TTLL10: variants seen among roughly 807,000 people sequenced by gnomAD.
TTLL10 encodes the protein tubulin tyrosine ligase like 10.
In TTLL10, 61 loss-of-function variants were observed where a neutral mutation model predicts 69.0. The observed-to-expected ratio is 0.88, with a 90% CI of 0.72 to 1.09. The LOEUF is 1.09. Among genes scored for constraint, TTLL10 ranks in the 50% least tolerant of loss-of-function variants. The pLI is 0.00. For synonymous variants in TTLL10, 408 were observed against 393.3 expected, an observed-to-expected ratio of 1.04 and a Z score of -0.44; for missense variants, 962 against 945.9, an observed-to-expected ratio of 1.02 and a Z score of -0.22.
intron 3 of TTLL10, among the ~76,000 whole-genome samples, chr1:1,176,963 T>C (rs1415311453): frequency 6.6e-6 from 1 of 152,178 alleles, no homozygotes; most frequent in Non-Finnish European, 1.5e-5. Flanking sequence ...TTTGTTTCCC[T>C]GTTTCTCCCC....
intron 13 of TTLL10, among the ~76,000 whole-genome samples, chr1:1,194,542 A>G (rs1648062887): frequency 6.6e-6 from 1 of 152,124 alleles, no homozygotes; most frequent in South Asian, 2.1e-4. Context: ...TTTATCTGGG[A>G]ATGTCTTAAT....
At chr1:1,196,173 T>C (rs1648196562) in intron 13 of TTLL10, among the ~76,000 whole-genome samples, 1 of 152,232 alleles carries the variant, frequency 6.6e-6, no homozygotes, top group Admixed American at 6.5e-5. Flanking sequence ...ATGAGGTCTA[T>C]TTTGCTATCT....
Position 1,181,777 on chromosome 1 carries a change from C to CCTCCCGTG in TTLL10, c.793_800dup (p.Trp267CysfsTer16). ...ACGCAGCAGCGCCCGCCCTGGAGGA[C>CCTCCCGTG]CTCCCGTGGACAAGCCCAGGATACC... is the stretch of plus-strand genomic sequence containing the variant. On this transcript the variant is annotated frameshift_variant, in exon 9 of 16. Transcript: ENST00000379289. LOFTEE classifies it high-confidence loss of function. The surrounding 1 kb of genome is among the most constrained non-coding windows in gnomAD (Gnocchi z 4.6). The CCTCCCGTG allele has an allele frequency of 6.2e-7, 1 of 1,609,230 alleles. No individual in the cohort carries two copies.
intron 13 of TTLL10, among the ~76,000 whole-genome samples, chr1:1,196,209 G>A (rs1232513764): frequency 6.6e-6 from 1 of 152,216 alleles, no homozygotes; most frequent in African/African-American, 2.4e-5. Flanking sequence ...CATGCTGTTG[G>A]TTTTTTGAGG....
At chr1:1,179,596 G>C in intron 4 of TTLL10, 61 bp from the exon 5 acceptor site, 1 of 1,548,178 alleles carries the variant, frequency 6.5e-7, no homozygotes, top group Non-Finnish European at 8.7e-7. Flanking sequence ...CTCCCGGCCT[G>C]ACAATGGCCC....
chr1:1,179,840 GC>G, intron 5 of TTLL10, 103 bp downstream of exon 5: 1 of 1,458,172 alleles, frequency 6.9e-7, no homozygotes, highest in East Asian at 2.5e-5. Context: ...GGTGGTCACG[GC>G]CCCTCCCCAG....
intron 10 of TTLL10, 118 bp downstream of exon 10, chr1:1,182,564 G>A (rs966198359): frequency 1.3e-5 from 14 of 1,101,184 alleles, no homozygotes; most frequent in South Asian, 2.6e-5. Context: ...GGGCTGGGAC[G>A]AGACGAGGTG....
Position 1,181,699 on chromosome 1 carries a change from A to G in TTLL10, c.756-42A>G. 1 of 1,549,196 alleles carries G rather than the reference A, an allele frequency of 6.5e-7. No individual in the cohort carries two copies. Among genetic ancestry groups the G allele is most frequent in the Admixed American group, 1.9e-5 (1 of 51,310 alleles). Reference sequence around the variant, plus strand: ...GTCCCCACCCGCTCCAAGCACCATGAGCTGGCCCCTCAGTCCAGGCCCTCT... The same window carrying G: ...GTCCCCACCCGCTCCAAGCACCATGGGCTGGCCCCTCAGTCCAGGCCCTCT... On this transcript the variant is annotated intron_variant, in intron 8 of 15. Coordinates refer to ENST00000379289, the MANE Select transcript of TTLL10 (RefSeq NM_001130045.2). The surrounding 1 kb of genome is among the most constrained non-coding windows in gnomAD (Gnocchi z 4.6).
chr1:1,192,612 G>A (rs560589320), intron 13 of TTLL10, among the ~76,000 whole-genome samples: 1 of 151,506 alleles, frequency 6.6e-6, no homozygotes, highest in African/African-American at 2.4e-5. Context: ...TATCAGTGTA[G>A]ACACTCCAGT....
intron 3 of TTLL10, among the ~76,000 whole-genome samples, chr1:1,178,699 T>G (rs1356875672): frequency 6.6e-6 from 1 of 152,126 alleles, no homozygotes; most frequent in Non-Finnish European, 1.5e-5. Context: ...CTGGAGACAG[T>G]GTCCTGGGGG....
At chr1:1,193,751 C>T (rs1381950289) in intron 13 of TTLL10, among the ~76,000 whole-genome samples, 2 of 152,226 alleles carry the variant, frequency 1.3e-5, no homozygotes, top group African/African-American at 2.4e-5. Flanking sequence ...AGGCGTGAGC[C>T]ACCACGCCTG....
In TTLL10 at chr1:1,197,920, G is replaced by A. The variant is rs945660114; in HGVS notation, c.*73G>A. 33 of 1,361,140 alleles carry A rather than the reference G, an allele frequency of 2.4e-5. No individual in the cohort carries two copies. The African/African-American group carries it at 4.7e-4, about 19-fold the overall frequency. 84.3% of individuals were successfully genotyped at this position (1,361,140 alleles called of 1,614,324 possible). On this transcript the variant is annotated 3_prime_UTR_variant, in exon 16 of 16. Coordinates refer to ENST00000379289, the MANE Select transcript of TTLL10 (RefSeq NM_001130045.2). ...CTGCCTGCCCTCAGGGACCTATAAAGCCCACTTTGCTACAAACACAGTCTC... is the reference window on the plus strand; with the variant it reads ...CTGCCTGCCCTCAGGGACCTATAAAACCCACTTTGCTACAAACACAGTCTC...
At position 1,197,434 on chromosome 1, in the gene TTLL10, C is replaced by A. The variant is rs779380831; in HGVS notation, c.1613-4C>A. ...ACTCACCCTCTCTCCCCCACCCGCACCAGACCTGGTGCTCGAGACCTTCCG... is the reference window on the plus strand; with the variant it reads ...ACTCACCCTCTCTCCCCCACCCGCAACAGACCTGGTGCTCGAGACCTTCCG... On this transcript the variant is annotated splice_region_variant and splice_polypyrimidine_tract_variant and intron_variant, in intron 15 of 15. Coordinates refer to ENST00000379289, the MANE Select transcript of TTLL10 (RefSeq NM_001130045.2). 6.5e-7 allele frequency: 1 copy of A among 1,534,736 alleles called. No homozygotes were observed. The highest frequency in any genetic ancestry group is 1.2e-5 in the South Asian group (1 of 81,958).
At position 1,180,215 on chromosome 1, in the gene TTLL10, CACTA is replaced by C. The variant is rs1351147432; in HGVS notation, c.384_387del (p.Asn129ProfsTer63). The C allele has an allele frequency of 6.2e-7, 1 of 1,610,404 alleles. No homozygotes were observed. Among genetic ancestry groups the C allele is most frequent in the African/African-American group, 1.3e-5 (1 of 74,996 alleles). Reference sequence around the variant, plus strand: ...GCCACCGGCCTGCAGACTCGGATGACACTAACGCCGCCGGGCCCTCAGCTGCCCT... The same window carrying C: ...GCCACCGGCCTGCAGACTCGGATGACACGCCGCCGGGCCCTCAGCTGCCCT... On this transcript the variant is annotated frameshift_variant, in exon 6 of 16. Coordinates refer to ENST00000379289, the MANE Select transcript of TTLL10 (RefSeq NM_001130045.2). LOFTEE classifies it high-confidence loss of function.
chr1:1,183,051 C>T lies in TTLL10; in HGVS notation c.1088+4C>T, dbSNP rs548840586. ...CTCAGGCGCGGGTGGTGCAGAGGTG[C>T]GGCGGCGGGTGCCCGGAGGGGTGAG... On this transcript the variant is annotated splice_donor_region_variant and intron_variant, in intron 11 of 15. Transcript: ENST00000379289. The T allele has an allele frequency of 6.3e-5, 100 of 1,592,058 alleles. No individual in the cohort carries two copies. In the Middle Eastern group the frequency reaches 1.0e-3, roughly 16 times the overall value.
Position 1,183,984 on chromosome 1 carries a change from G to A in TTLL10, c.1153G>A (p.Ala385Thr), listed in dbSNP as rs1265999900. The A allele has an allele frequency of 1.9e-6, 3 of 1,614,080 alleles. No individual in the cohort carries two copies. The highest frequency in any genetic ancestry group is 2.5e-6 in the Non-Finnish European group (3 of 1,180,030). Residue 385 changes from alanine (A) to threonine (T), a missense_variant, in exon 12 of 16, where the codon GCC becomes ACC. Physicochemically the swap from Ala to Thr is moderately conservative, Grantham distance 58. Coordinates refer to ENST00000379289, the MANE Select transcript of TTLL10 (RefSeq NM_001130045.2). ...TGACGTGCGCTCCTACCTGCTCATT[G>A]CCTGCACCACACCCTACATGATCTT... ...KFDVRSYLLI[A>T]CTTPYMIFFG...
chr1:1,190,172 A>C lies in TTLL10; in HGVS notation c.1401+5063A>C, dbSNP rs149242766. Among the ~76,000 whole-genome samples the C allele has an allele frequency of 6.4e-3, 970 of 150,554 alleles. 13 individuals are homozygous for C. The highest frequency in any genetic ancestry group is 0.02 in the African/African-American group (825 of 41,178). ...AGGTTATCTAATTTGTTTAGTGTAC[A>C]AAGTATTCCCTTGTCATCCTTTTAA... On this transcript the variant is annotated intron_variant, in intron 13 of 15. Coordinates refer to ENST00000379289, the MANE Select transcript of TTLL10 (RefSeq NM_001130045.2).
Position 1,183,966 on chromosome 1 carries a change from C to T in TTLL10, c.1135C>T (p.Arg379Cys), listed in dbSNP as rs201834219. The T allele has an allele frequency of 8.2e-5, 133 of 1,614,200 alleles. No homozygotes were observed. Among genetic ancestry groups the T allele is most frequent in the African/African-American group, 5.1e-4 (38 of 75,044 alleles). The change falls in exon 12 of 16, where the codon CGC (arginine) becomes TGC (cysteine). Residue 379 changes from arginine (R) to cysteine (C), a missense_variant. By Grantham distance (180) the Arg-to-Cys change is radical. Transcript: ENST00000379289. ...GGTGGACGGGAGAAAGTTTGACGTG[C>T]GCTCCTACCTGCTCATTGCCTGCAC... is the stretch of plus-strand genomic sequence containing the variant. ...LLVDGRKFDV[R>C]SYLLIACTTP...
At chr1:1,190,582 C>T (rs1647697889) in intron 13 of TTLL10, among the ~76,000 whole-genome samples, 1 of 151,804 alleles carries the variant, frequency 6.6e-6, no homozygotes, top group African/African-American at 2.4e-5. Context: ...CACGTGCCAC[C>T]ACTCCCAGCT....
Sources: allele counts gnomAD v4.1 joint callset (sites outside exome capture counted in the v4.1 genomes callset), GRCh38; gene constraint gnomAD v4.1.1; non-coding constraint Gnocchi (gnomAD v3.1); transcripts MANE v1.5; gene names NCBI Gene and HGNC (gene_info 2026-07-23, HGNC 2026-07-21).